ASMT: variants seen among roughly 807,000 people sequenced by gnomAD.
ASMT encodes acetylserotonin N-methyltransferase.
A neutral mutation model predicts 41.3 loss-of-function variants in ASMT; 53 were observed. That is an observed-to-expected ratio of 1.28 (90% CI 1.03 to 1.61). ASMT has a LOEUF of 1.61. Ranked by LOEUF, ASMT falls within the 40% of genes most tolerant of loss-of-function variation. The pLI is 0.00. For synonymous variants in ASMT, 231 were observed against 184.8 expected, an observed-to-expected ratio of 1.25 and a Z score of -2.03; for missense variants, 531 against 441.3, an observed-to-expected ratio of 1.20 and a Z score of -1.82.
At chrX:1,626,649 A>G (rs1934559466) in intron 3 of ASMT, among the ~76,000 whole-genome samples, 1 of 152,100 alleles carries the variant, frequency 6.6e-6, no homozygotes, top group Non-Finnish European at 1.5e-5. Flanking sequence ...GTTATAGAGC[A>G]TAACTCCCTA....
In ASMT at chrX:1,616,819, C is replaced by G. The variant is rs1210578852; in HGVS notation, c.69+1551C>G. Among the ~76,000 whole-genome samples the G allele has an allele frequency of 6.6e-5, 10 of 151,482 alleles. 1 individual carries two copies. Among genetic ancestry groups the G allele is most frequent in the Non-Finnish European group, 1.3e-4 (9 of 67,696 alleles). On this transcript the variant is annotated intron_variant, in intron 1 of 8. Transcript: ENST00000381241. ...CACCTCCCAGGTTCACGCCATTCTC[C>G]TGCCTCAGCCTCCCGAGTAGCTGGG...
intron 5 of ASMT, among the ~76,000 whole-genome samples, chrX:1,630,282 T>C (rs1423891037): frequency 2.3e-5 from 3 of 129,120 alleles, no homozygotes; most frequent in African/African-American, 3.0e-5. Context: ...TACAGGCACC[T>C]GCCACCACAC....
In ASMT at chrX:1,630,855, GGCTGA is replaced by G. The variant is rs1333291399; in HGVS notation, c.562+925_562+929del. Among the ~76,000 whole-genome samples, 3 of 151,158 alleles carry G rather than the reference GGCTGA, an allele frequency of 2.0e-5. No individual in the cohort carries two copies. The East Asian group carries it at 5.8e-4, about 29-fold the overall frequency. On this transcript the variant is annotated intron_variant, in intron 5 of 8. Transcript: ENST00000381241. ...TTACAGGCGCCCGCCACCACACCCA[GGCTGA>G]GCTGAGCTTGTTTTATTTATTTATT...
In ASMT at chrX:1,637,116, G is replaced by A. The variant is rs773160986; in HGVS notation, c.910+556G>A. On this transcript the variant is annotated intron_variant, in intron 8 of 8. Coordinates refer to ENST00000381241, the MANE Select transcript of ASMT (RefSeq NM_001171038.2). ...GACTGTGTCCCAGCTCTCCTGTGAG[G>A]TCCACCCATCCTGATGCTTCACGAG... 1.0e-4 allele frequency among the ~76,000 whole-genome samples: 12 copies of A among 117,594 alleles called. 1 individual carries two copies. Among genetic ancestry groups the A allele is most frequent in the Non-Finnish European group, 1.1e-4 (6 of 55,150 alleles). The allele number at this position is 117,594 out of a possible 152,430, so 77.1% of individuals were successfully genotyped here. A position where few individuals can be genotyped will look rare whatever the true frequency, so the allele number is the denominator to read the frequency against.
At chrX:1,625,089 T>TTTTTC (rs1326137087) in intron 3 of ASMT, among the ~76,000 whole-genome samples, 1 of 146,962 alleles carries the variant, frequency 6.8e-6, no homozygotes. Context: ...TTTTCTTTGT[T>TTTTTC]TTTTCTTTTC....
intron 1 of ASMT, among the ~76,000 whole-genome samples, chrX:1,615,476 T>C (rs1317637914): frequency 2.0e-5 from 3 of 151,994 alleles, no homozygotes; most frequent in Non-Finnish European, 4.4e-5. Context: ...GTTTGATACA[T>C]TTTACAGAGA....
chrX:1,623,830 G>A (rs757063366), intron 2 of ASMT, among the ~76,000 whole-genome samples: 1 of 151,462 alleles, frequency 6.6e-6, no homozygotes, highest in African/African-American at 2.4e-5. Flanking sequence ...CTTATTTTTA[G>A]TAGAGACAGG....
rs372033323 is a variant in ASMT, at chrX:1,633,247, G to T, written c.744G>T (p.Gln248His). ...DIPEVVWTAKQHFSFQEEEQI... is the reference protein window; with the variant it reads ...DIPEVVWTAKHHFSFQEEEQI... ...CAGAAGTGGTGTGGACGGCAAAGCA[G>T]CACTTCTCATTCCAGGAGGAAGAAC... is the stretch of plus-strand genomic sequence containing the variant. The change falls in exon 7 of 9, where the codon CAG becomes CAT. Residue 248 changes from glutamine (Q) to histidine (H), a missense_variant. Coordinates refer to ENST00000381241, the MANE Select transcript of ASMT (RefSeq NM_001171038.2). 1 of 1,613,812 alleles carries T rather than the reference G, an allele frequency of 6.2e-7. No homozygotes were observed. Among genetic ancestry groups the T allele is most frequent in the Non-Finnish European group, 8.5e-7 (1 of 1,179,862 alleles).
At chrX:1,640,499 C>A (rs748319548) in intron 8 of ASMT, among the ~76,000 whole-genome samples, 1 of 55,322 alleles carries the variant, frequency 1.8e-5, no homozygotes, top group Non-Finnish European at 2.9e-5. Context: ...TCCACCCATC[C>A]TGATGCTTCA....
intron 2 of ASMT, 118 bp downstream of exon 2, chrX:1,623,431 C>T: frequency 7.5e-7 from 1 of 1,337,004 alleles, no homozygotes; most frequent in Non-Finnish European, 1.1e-6. Flanking sequence ...CCCGTCTCTA[C>T]TAAAAAAAAT....
chrX:1,635,344 AT>A (rs1183023115), intron 7 of ASMT, among the ~76,000 whole-genome samples: 1 of 151,964 alleles, frequency 6.6e-6, no homozygotes, highest in African/African-American at 2.4e-5. Flanking sequence ...GCACCTTATC[AT>A]TTTGCGGGAA....
intron 4 of ASMT, 111 bp from the exon 5 acceptor site, chrX:1,629,710 A>C: frequency 1.0e-6 from 1 of 961,022 alleles, no homozygotes; most frequent in Non-Finnish European, 1.7e-6. Context: ...CAAGCCTTCC[A>C]GGTGCACCTG....
chrX:1,615,912 A>G (rs1469744926), intron 1 of ASMT, among the ~76,000 whole-genome samples: 1 of 151,854 alleles, frequency 6.6e-6, no homozygotes, highest in East Asian at 1.9e-4. Context: ...AATTTTTAAA[A>G]CATTTCATGA....
rs1454570320 is a variant in ASMT at position 1,615,072 on chromosome X, G to C, written c.-128G>C. On this transcript the variant is annotated 5_prime_UTR_variant, in exon 1 of 9. Transcript: ENST00000381241. The stretch of plus-strand genomic sequence containing the variant: ...TGATCCGTCTTTGTTTGAGTACTGG[G>C]CAGGCAGCAGGGAGAGTCAGGCAGC... 9 of 770,436 alleles carry C rather than the reference G, an allele frequency of 1.2e-5. No homozygotes were observed. In the African/African-American group the frequency reaches 1.5e-4, roughly 13 times the overall value. The allele number at this position is 770,436 out of a possible 1,614,324, so 47.7% of individuals were successfully genotyped here.
intron 3 of ASMT, among the ~76,000 whole-genome samples, chrX:1,625,037 G>T (rs113249241): frequency 0.16 from 24,033 of 150,292 alleles, 2,090 homozygotes; most frequent in African/African-American, 0.25. Flanking sequence ...ACCGCCAGGG[G>T]CTGGTGAAGT....
chrX:1,642,419 C>T lies in ASMT; in HGVS notation c.911-384C>T, dbSNP rs1355770038. ...TCCTGATGGTTCATGAGGACGTGGG[C>T]TCAGCCTCTGTGTGTAATGAGGACA... is the stretch of plus-strand genomic sequence containing the variant. On this transcript the variant is annotated intron_variant, in intron 8 of 8. Transcript: ENST00000381241. Among the ~76,000 whole-genome samples, 5 of 151,292 alleles carry T rather than the reference C, an allele frequency of 3.3e-5. No individual in the cohort carries two copies. The Admixed American group carries it at 3.3e-4, about 10-fold the overall frequency.
At chrX:1,627,673 T>A (rs1364917821) in intron 3 of ASMT, 30 bp from the exon 4 acceptor site, 1 of 1,468,032 alleles carries the variant, frequency 6.8e-7, no homozygotes, top group Non-Finnish European at 9.5e-7. Flanking sequence ...TGAAATGAAA[T>A]GAAAATCAGC....
At chrX:1,622,908 A>G (rs1224439918) in intron 1 of ASMT, among the ~76,000 whole-genome samples, 1 of 151,874 alleles carries the variant, frequency 6.6e-6, no homozygotes, top group Non-Finnish European at 1.5e-5. Flanking sequence ...TGAGACTTCA[A>G]CTCAAAATAA....
At chrX:1,628,709 A>C (rs1934652267) in intron 4 of ASMT, among the ~76,000 whole-genome samples, 16 of 125,520 alleles carry the variant, frequency 1.3e-4, no homozygotes, top group African/African-American at 2.4e-4. Flanking sequence ...TTTCCTCTCC[A>C]TCTTCCCCCT....
Sources: allele counts gnomAD v4.1 joint callset (sites outside exome capture counted in the v4.1 genomes callset), GRCh38; gene constraint gnomAD v4.1.1; transcripts MANE v1.5; gene names NCBI Gene and HGNC (gene_info 2026-07-23, HGNC 2026-07-21).